Variants in ZNF704 observed in about 807,000 individuals in gnomAD.
ZNF704 encodes the protein zinc finger protein 704.
In ZNF704, 10 loss-of-function variants were observed where a neutral mutation model predicts 44.7. That is an observed-to-expected ratio of 0.22 (90% CI 0.14 to 0.38). The LOEUF (loss-of-function observed/expected upper bound fraction) is 0.38. Ranked by LOEUF, ZNF704 falls within the 10% of genes least tolerant of loss-of-function variation. The pLI is 1.00. For synonymous variants in ZNF704, 211 were observed against 207.6 expected (o/e 1.02, Z -0.14); for missense variants, 390 against 545.5 (o/e 0.71, Z 2.84).
intron 2 of ZNF704, among the ~76,000 whole-genome samples, chr8:80,711,969 T>C (rs1203828708): frequency 6.6e-6 from 1 of 152,228 alleles, no homozygotes; most frequent in Non-Finnish European, 1.5e-5. Flanking sequence ...ATCTCTTTAG[T>C]CTTTAAAAAT....
chr8:80,838,304 G>A (rs1278215199), intron 1 of ZNF704, among the ~76,000 whole-genome samples: 1 of 152,208 alleles, frequency 6.6e-6, no homozygotes, highest in Non-Finnish European at 1.5e-5. Flanking sequence ...CTTTAGGCAA[G>A]TTGGAGAATA....
intron 7 of ZNF704, among the ~76,000 whole-genome samples, chr8:80,648,159 T>G (rs1216120802): frequency 6.6e-6 from 1 of 152,150 alleles, no homozygotes; most frequent in Non-Finnish European, 1.5e-5. Flanking sequence ...CATCACCTCT[T>G]AAGGGTTCCA....
chr8:80,708,299 T>C (rs1231327989), intron 2 of ZNF704, among the ~76,000 whole-genome samples: 2 of 152,214 alleles, frequency 1.3e-5, no homozygotes, highest in Non-Finnish European at 2.9e-5. Flanking sequence ...CAGAAGAATC[T>C]GATACAGCCA....
At chr8:80,662,301 A>G (rs1296058502) in intron 6 of ZNF704, among the ~76,000 whole-genome samples, 1 of 152,224 alleles carries the variant, frequency 6.6e-6, no homozygotes, top group Non-Finnish European at 1.5e-5. Flanking sequence ...ACTGTGTTTA[A>G]TATTTTCTAT....
rs983912726 is a variant in ZNF704 at position 80,631,695 on chromosome 8, T to G, written c.*9671A>C. ...GGATTAGCTATCTGCCTTGTCATTC[T>G]TTACAGTGAGTCTGAACAAATCTTT... On this transcript the variant is annotated 3_prime_UTR_variant, in exon 9 of 9. Coordinates refer to ENST00000327835, the MANE Select transcript of ZNF704 (RefSeq NM_001033723.3). 1 of 152,244 alleles carries G rather than the reference T, an allele frequency of 6.6e-6. No homozygotes were observed. The highest frequency in any genetic ancestry group is 2.4e-5 in the African/African-American group (1 of 41,464). The allele number at this position is 152,244 out of a possible 1,614,324, so 9.4% of individuals were successfully genotyped here.
intron 1 of ZNF704, among the ~76,000 whole-genome samples, chr8:80,844,466 C>T (rs1808734334): frequency 6.6e-6 from 1 of 152,164 alleles, no homozygotes; most frequent in South Asian, 2.1e-4. Flanking sequence ...ACCTAATCAC[C>T]TCCCAAAGGT....
At chr8:80,791,093 G>C (rs766941822) in intron 2 of ZNF704, among the ~76,000 whole-genome samples, 41 of 152,272 alleles carry the variant, frequency 2.7e-4, no homozygotes, top group Non-Finnish European at 3.8e-4. Context: ...TTCAGTAAAT[G>C]CATGAAATCC....
At chr8:80,643,534 A>G (rs1817778850) in intron 7 of ZNF704, among the ~76,000 whole-genome samples, 1 of 150,814 alleles carries the variant, frequency 6.6e-6, no homozygotes, top group African/African-American at 2.4e-5. Flanking sequence ...AAAAAAAAAA[A>G]AAAAAAAAAA....
rs550181955 is a variant in ZNF704 at position 80,790,466 on chromosome 8, T to A, written c.221+30908A>T. ...TGGTGTGTTAGAAAGGTACCGGAAA[T>A]AAAAATCACCTATGTAAATACACAC... On this transcript the variant is annotated intron_variant, in intron 2 of 8. Coordinates refer to ENST00000327835, the MANE Select transcript of ZNF704 (RefSeq NM_001033723.3). Among the ~76,000 whole-genome samples the A allele has an allele frequency of 2.0e-5, 3 of 152,138 alleles. No individual in the cohort carries two copies. In the South Asian group the frequency reaches 6.2e-4, roughly 32 times the overall value.
At chr8:80,722,399 G>T (rs886203009) in intron 2 of ZNF704, among the ~76,000 whole-genome samples, 6 of 152,172 alleles carry the variant, frequency 3.9e-5, no homozygotes, top group African/African-American at 1.4e-4. Flanking sequence ...ACCTCACAGG[G>T]CTGTCATGAA....
intron 4 of ZNF704, among the ~76,000 whole-genome samples, chr8:80,674,608 G>C (rs980933823): frequency 6.6e-6 from 1 of 152,144 alleles, no homozygotes; most frequent in Non-Finnish European, 1.5e-5. Context: ...TCTCATGAGA[G>C]TGAGACTCTC....
At chr8:80,824,575 G>A (rs1254693225) in intron 1 of ZNF704, among the ~76,000 whole-genome samples, 3 of 152,048 alleles carry the variant, frequency 2.0e-5, no homozygotes, top group South Asian at 2.1e-4. Context: ...TACAGAGAAC[G>A]CCACAAAGAT....
intron 1 of ZNF704, among the ~76,000 whole-genome samples, chr8:80,824,615 A>G (rs568493746): frequency 8.5e-5 from 13 of 152,344 alleles, no homozygotes; most frequent in Admixed American, 6.5e-4. Context: ...TCCAAGACAC[A>G]TAATTGTCAG....
rs552097540 is a variant in ZNF704, at chr8:80,872,446, C to T, written c.-22+2125G>A. Reference sequence around the variant, plus strand: ...TTGAGGAGCTTTTTTTGGTGAGCCCCCAAAGCTTTTTTTAGTGGTCTCTAA... The same window carrying T: ...TTGAGGAGCTTTTTTTGGTGAGCCCTCAAAGCTTTTTTTAGTGGTCTCTAA... On this transcript the variant is annotated intron_variant, in intron 1 of 8. Coordinates refer to ENST00000327835, the MANE Select transcript of ZNF704 (RefSeq NM_001033723.3). Among the ~76,000 whole-genome samples the T allele has an allele frequency of 7.2e-5, 11 of 152,236 alleles. No homozygotes were observed. The South Asian group carries it at 2.3e-3, about 32-fold the overall frequency.
intron 2 of ZNF704, among the ~76,000 whole-genome samples, chr8:80,760,967 G>A (rs2131719405): frequency 6.6e-6 from 1 of 152,192 alleles, no homozygotes; most frequent in Admixed American, 6.5e-5. Flanking sequence ...GGGAGATGGT[G>A]CTAAACCATT....
At chr8:80,791,719 A>C (rs1489565611) in intron 2 of ZNF704, among the ~76,000 whole-genome samples, 27 of 152,206 alleles carry the variant, frequency 1.8e-4, no homozygotes, top group Non-Finnish European at 5.9e-5. Flanking sequence ...GCTGAAAAAA[A>C]AAATGATGGC....
chr8:80,785,517 CTTTAT>C (rs950244717), intron 2 of ZNF704, among the ~76,000 whole-genome samples: 6 of 150,908 alleles, frequency 4.0e-5, no homozygotes, highest in Non-Finnish European at 7.4e-5. Flanking sequence ...ATTTTTTCCT[CTTTAT>C]TTATCAAATC....
intron 2 of ZNF704, among the ~76,000 whole-genome samples, chr8:80,717,507 A>G (rs1049859669): frequency 6.6e-6 from 1 of 152,226 alleles, no homozygotes; most frequent in Admixed American, 6.5e-5. Context: ...CCTGCTTCCT[A>G]GGGCGTTGTG....
chr8:80,862,303 T>C (rs1422269412), intron 1 of ZNF704, among the ~76,000 whole-genome samples: 1 of 152,104 alleles, frequency 6.6e-6, no homozygotes, highest in African/African-American at 2.4e-5. Context: ...AACTATATCA[T>C]TTCTATTATA....
Sources: gnomAD v4.1 joint callset for allele counts (sites outside exome capture counted in the v4.1 genomes callset) on GRCh38, gnomAD v4.1.1 for gene constraint, MANE v1.5 for transcripts, NCBI Gene and HGNC (gene_info 2026-07-23, HGNC 2026-07-21) for gene names.